Variants in RPL26 observed in about 807,000 individuals in gnomAD.
RPL26 encodes ribosomal protein L26.
Under a neutral mutation model 16.2 loss-of-function variants are expected in RPL26, and 1 was observed. The ratio of observed to expected loss-of-function variants is 0.06; its 90% CI spans 0.02 to 0.29. The LOEUF (loss-of-function observed/expected upper bound fraction) is 0.29. RPL26 is among the 10% of genes least tolerant of loss of function. RPL26 has a pLI of 1.00. For missense variants in RPL26, 102 were observed against 184.3 expected, an observed-to-expected ratio of 0.55 and a Z score of 2.58; for synonymous variants, 55 against 62.4, an observed-to-expected ratio of 0.88 and a Z score of 0.56.
At chr17:8,381,951 A>AT in intron 2 of RPL26, 192 bp downstream of exon 2, 1 of 451,960 alleles carries the variant, frequency 2.2e-6, no homozygotes, top group East Asian at 4.6e-5. Flanking sequence ...AAAAAAAAAG[A>AT]TTTTCACCAA....
At chr17:8,381,398 T>C (rs1003754454) in intron 2 of RPL26, 4 of 152,196 alleles carry the variant, frequency 2.6e-5, no homozygotes, top group Non-Finnish European at 5.9e-5. Context: ...TCACAATATA[T>C]TGATAAAAGG....
chr17:8,382,963 T>C (rs1317743418), intron 1 of RPL26, 194 bp downstream of exon 1: 1 of 398,226 alleles, frequency 2.5e-6, no homozygotes, highest in Admixed American at 4.4e-5. Context: ...AGTTCCCAAA[T>C]CCCCGGTCCC....
At chr17:8,380,819 C>T (rs1293675029) in intron 2 of RPL26, 1 of 152,256 alleles carries the variant, frequency 6.6e-6, no homozygotes, top group Admixed American at 6.5e-5. Context: ...ATAGACCAAA[C>T]TAACTTTGGG....
chr17:8,381,026 T>C (rs7211815), intron 2 of RPL26: 53,168 of 135,766 alleles, frequency 0.39, 9,958 homozygotes, highest in Admixed American at 0.49. Context: ...CTAAGATTTG[T>C]GTGATTTTTT....
chr17:8,382,037 T>G, intron 2 of RPL26, 106 bp downstream of exon 2: 2 of 992,252 alleles, frequency 2.0e-6, no homozygotes, highest in South Asian at 1.5e-5. Flanking sequence ...TGCCACTCTT[T>G]GGGAGCAAGA....
intron 3 of RPL26, among the ~76,000 whole-genome samples, chr17:8,378,542 GAATTTTAATGCTAGAAATT>G (rs1907264490): frequency 6.6e-6 from 1 of 151,980 alleles, no homozygotes; most frequent in Non-Finnish European, 1.5e-5. Context: ...AGTAACTTCA[GAATTTTAATGCTAGAAATT>G]AAAGGTAGCA....
intron 1 of RPL26, 59 bp from the exon 2 acceptor site, chr17:8,382,374 A>G: frequency 1.7e-6 from 2 of 1,202,592 alleles, no homozygotes; most frequent in South Asian, 1.3e-5. Context: ...CTTCCAAACA[A>G]ATAACCGCAA....
In RPL26 at chr17:8,383,191, G is replaced by C; in HGVS notation, c.-40C>G. The C allele has an allele frequency of 2.5e-6, 1 of 398,636 alleles. No homozygotes were observed. The highest frequency in any genetic ancestry group is 4.4e-6 in the Non-Finnish European group (1 of 226,096). 24.7% of individuals were successfully genotyped at this position (398,636 alleles called of 1,614,324 possible). ...CTTCGGTGATGGCCGCAAAAGGGAA[G>C]AGAACTACACGCTGCTTCCGGTTCT... On this transcript the variant is annotated 5_prime_UTR_variant, in exon 1 of 4. Transcript: ENST00000648839.
chr17:8,377,764 TCAATAC>T (rs778486521), intron 3 of RPL26, 72 bp from the exon 4 acceptor site: 58 of 1,414,364 alleles, frequency 4.1e-5, no homozygotes, highest in Non-Finnish European at 2.8e-6. Context: ...AGCCCAACAT[TCAATAC>T]CATTTCCCAA....
At chr17:8,382,594 C>T (rs1907474717) in intron 1 of RPL26, 1 of 386,722 alleles carries the variant, frequency 2.6e-6, no homozygotes, top group South Asian at 3.1e-5. Flanking sequence ...GTTACACTCT[C>T]CCAACTCCTC....
intron 2 of RPL26, 29 bp from the exon 3 acceptor site, chr17:8,379,965 T>C: frequency 1.3e-6 from 2 of 1,588,484 alleles, no homozygotes; most frequent in Non-Finnish European, 1.7e-6. Context: ...GTAACAAATA[T>C]TTGAATAAAA....
At chr17:8,382,421 G>C (rs1907466164) in intron 1 of RPL26, 106 bp from the exon 2 acceptor site, 2 of 766,716 alleles carry the variant, frequency 2.6e-6, no homozygotes, top group Admixed American at 3.0e-5. Context: ...ATCATAGGCA[G>C]TGTCATGTTG....
At chr17:8,377,820 C>T in intron 3 of RPL26, 128 bp from the exon 4 acceptor site, 1 of 797,150 alleles carries the variant, frequency 1.3e-6, no homozygotes, top group Non-Finnish European at 1.8e-6. Context: ...AAGATTTTAA[C>T]TTTTAAAAAA....
intron 1 of RPL26, chr17:8,382,714 T>C (rs1309206851): frequency 9.9e-6 from 3 of 303,690 alleles, no homozygotes; most frequent in Non-Finnish European, 1.8e-5. Flanking sequence ...TCAACGTTCA[T>C]CTTCTACAGG....
At chr17:8,378,722 G>A (rs947046919) in intron 3 of RPL26, among the ~76,000 whole-genome samples, 1 of 152,154 alleles carries the variant, frequency 6.6e-6, no homozygotes, top group African/African-American at 2.4e-5. Flanking sequence ...TGGAAATACA[G>A]CATGCAGACC....
Position 8,379,796 on chromosome 17 carries a change from C to T in RPL26, c.309G>A (p.Lys103=). 6.2e-7 allele frequency: 1 copy of T among 1,611,662 alleles called. No individual in the cohort carries two copies. Among genetic ancestry groups the T allele is most frequent in the Non-Finnish European group, 8.5e-7 (1 of 1,179,286 alleles). The change falls in exon 3 of 4, where the codon AAG becomes AAA. Residue 103 remains lysine (K), a splice_region_variant and synonymous_variant. Coordinates refer to ENST00000648839, the MANE Select transcript of RPL26 (RefSeq NM_000987.5). ...TTVHVGIHPS[K]VVITRLKLDK... is the part of the protein sequence containing the mutation. ...CTCAAGCATTCTCAAAAACACCTAC[C>T]TTGCTGGGGTGAATGCCTACGTGGA...
chr17:8,378,405 C>CCAG (rs1266980512), intron 3 of RPL26, among the ~76,000 whole-genome samples: 1 of 152,108 alleles, frequency 6.6e-6, no homozygotes, highest in East Asian at 1.9e-4. Flanking sequence ...GCGGGAGAAT[C>CCAG]GCTTGAACCC....
rs545198103 is a variant in RPL26 at position 8,381,904 on chromosome 17, G to T, written c.168+239C>A. ...AGATGGCACCACTGCACTCCAGCCTGGGGGGGACAAGAGCGAGACTTCATC... is the reference window on the plus strand; with the variant it reads ...AGATGGCACCACTGCACTCCAGCCTTGGGGGGACAAGAGCGAGACTTCATC... On this transcript the variant is annotated intron_variant, in intron 2 of 3. Transcript: ENST00000648839. 15 of 352,456 alleles carry T rather than the reference G, an allele frequency of 4.3e-5. 1 individual carries two copies. The highest frequency in any genetic ancestry group is 7.7e-5 in the Non-Finnish European group (15 of 195,412). The allele number at this position is 352,456 out of a possible 1,614,324, so 21.8% of individuals were successfully genotyped here.
intron 3 of RPL26, chr17:8,379,024 G>A (rs537216920): frequency 6.6e-6 from 1 of 152,242 alleles, no homozygotes; most frequent in South Asian, 2.1e-4. Flanking sequence ...CAACTGGAGG[G>A]CTTATTAAAA....
Sources: gnomAD v4.1 joint callset for allele counts (sites outside exome capture counted in the v4.1 genomes callset) on GRCh38, gnomAD v4.1.1 for gene constraint, MANE v1.5 for transcripts, NCBI Gene and HGNC (gene_info 2026-07-23, HGNC 2026-07-21) for gene names.